KHDRBS1: variants seen among roughly 807,000 people sequenced by gnomAD.
KHDRBS1 encodes KH RNA binding domain containing, signal transduction associated 1, also known as KH domain-containing, RNA-binding, signal transduction-associated protein 1.
Under a neutral mutation model 48.4 loss-of-function variants are expected in KHDRBS1, and 7 were observed. That is an observed-to-expected ratio of 0.14 (90% CI 0.08 to 0.27). The LOEUF is 0.27. Ranked by LOEUF, KHDRBS1 falls within the 10% of genes least tolerant of loss-of-function variation. The probability of loss-of-function intolerance (pLI) is 1.00; values close to 1 mark genes in which losing one functional copy is unlikely to be tolerated. For synonymous variants in KHDRBS1, 241 were observed against 235.8 expected, an observed-to-expected ratio of 1.02 and a Z score of -0.20; for missense variants, 458 against 601.2, an observed-to-expected ratio of 0.76 and a Z score of 2.49.
At chr1:32,023,045 T>C (rs1638893198) in intron 1 of KHDRBS1, among the ~76,000 whole-genome samples, 1 of 152,194 alleles carries the variant, frequency 6.6e-6, no homozygotes. Flanking sequence ...TCTTTTTTTC[T>C]TACTATTTTT....
At chr1:32,030,003 T>TCC (rs1275418167) in intron 1 of KHDRBS1, among the ~76,000 whole-genome samples, 1 of 152,206 alleles carries the variant, frequency 6.6e-6, no homozygotes. Context: ...TATTCTCCTT[T>TCC]CCCCCATCTC....
intron 10 of KHDRBS1, among the ~76,000 whole-genome samples, chr1:32,059,691 T>C (rs1170327484): frequency 6.6e-6 from 1 of 152,150 alleles, no homozygotes; most frequent in East Asian, 1.9e-4. Context: ...ATAACATCCA[T>C]CGCCCCTTGA....
chr1:32,035,265 G>A (rs1181919174), intron 4 of KHDRBS1, among the ~76,000 whole-genome samples: 1 of 152,094 alleles, frequency 6.6e-6, no homozygotes, highest in Non-Finnish European at 1.5e-5. Context: ...GGTTTCCTCA[G>A]TGTTGATGTG....
At chr1:32,046,317 A>G (rs565383709), downstream of KHDRBS1, among the ~76,000 whole-genome samples, 22 of 151,916 alleles carry the variant, frequency 1.4e-4, no homozygotes, top group African/African-American at 5.1e-4. Flanking sequence ...GGGTTCAAGC[A>G]ATTCTCCTGT....
At chr1:32,051,070 G>A (rs889404584) in intron 10 of KHDRBS1, among the ~76,000 whole-genome samples, 4 of 151,662 alleles carry the variant, frequency 2.6e-5, no homozygotes, top group Non-Finnish European at 5.9e-5. Context: ...GCTAATTTTT[G>A]TATTTTTAGT....
intron 1 of KHDRBS1, among the ~76,000 whole-genome samples, chr1:32,025,592 C>T (rs1448910995): frequency 6.7e-6 from 1 of 150,262 alleles, no homozygotes; most frequent in African/African-American, 2.4e-5. Flanking sequence ...TGAGCCACAG[C>T]GCCTGGCCCC....
rs1263567614 is a variant in KHDRBS1, at chr1:32,043,554, A to T, written c.*930A>T. On this transcript the variant is annotated 3_prime_UTR_variant, in exon 9 of 9. Coordinates refer to ENST00000327300, the MANE Select transcript of KHDRBS1 (RefSeq NM_006559.3). ...TTGTCCATTTGAGATTCTGCACTCC[A>T]TGAAAAGTTCACTTGGACGCTGGGG... 1 of 152,644 alleles carries T rather than the reference A, an allele frequency of 6.6e-6. No individual in the cohort carries two copies. Among genetic ancestry groups the T allele is most frequent in the Non-Finnish European group, 1.5e-5 (1 of 68,036 alleles). The allele number at this position is 152,644 out of a possible 1,614,324, so 9.5% of individuals were successfully genotyped here.
At chr1:32,031,773 A>G in intron 3 of KHDRBS1, 133 bp downstream of exon 3, 1 of 528,274 alleles carries the variant, frequency 1.9e-6, no homozygotes, top group Non-Finnish European at 3.4e-6. Flanking sequence ...TTTGCACTGG[A>G]TGCAAGAGAT....
intron 1 of KHDRBS1, among the ~76,000 whole-genome samples, chr1:32,024,706 T>C (rs1638929076): frequency 6.6e-6 from 1 of 152,148 alleles, no homozygotes; most frequent in Non-Finnish European, 1.5e-5. Context: ...CTTTGAGTTT[T>C]TGTTGCCTCA....
downstream of KHDRBS1, among the ~76,000 whole-genome samples, chr1:32,046,810 C>T (rs1639363771): frequency 6.6e-6 from 1 of 152,194 alleles, no homozygotes; most frequent in Non-Finnish European, 1.5e-5. Flanking sequence ...GCCTGCCTCT[C>T]AGCCTGTGAG....
chr1:32,022,438 T>G (rs1638878134), intron 1 of KHDRBS1, among the ~76,000 whole-genome samples: 1 of 152,064 alleles, frequency 6.6e-6, no homozygotes, highest in South Asian at 2.1e-4. Flanking sequence ...AGTGCTGTGT[T>G]TAGAAGTGTA....
intron 10 of KHDRBS1, among the ~76,000 whole-genome samples, chr1:32,050,955 A>G (rs1159803932): frequency 1.3e-5 from 2 of 152,080 alleles, no homozygotes; most frequent in African/African-American, 2.4e-5. Flanking sequence ...CAGTGGCTCA[A>G]TCTCGGCTCA....
At chr1:32,052,372 A>G (rs549522969) in intron 10 of KHDRBS1, 1 of 152,190 alleles carries the variant, frequency 6.6e-6, no homozygotes, top group Non-Finnish European at 1.5e-5. Flanking sequence ...GAAAGAAAAA[A>G]AGCTGCCAAT....
chr1:32,022,125 G>C (rs995812758), intron 1 of KHDRBS1, among the ~76,000 whole-genome samples: 1 of 151,772 alleles, frequency 6.6e-6, no homozygotes, highest in Non-Finnish European at 1.5e-5. Context: ...GCGCCACCAC[G>C]CCCAACCAGT....
intron 8 of KHDRBS1, among the ~76,000 whole-genome samples, chr1:32,041,480 C>T (rs920234243): frequency 9.9e-5 from 15 of 151,710 alleles, no homozygotes; most frequent in African/African-American, 3.4e-4. Context: ...ATTCCTCAGG[C>T]TTTTCCCTGT....
downstream of KHDRBS1, among the ~76,000 whole-genome samples, chr1:32,044,620 AAC>A (rs1639337356): frequency 6.6e-6 from 1 of 152,182 alleles, no homozygotes; most frequent in African/African-American, 2.4e-5. Context: ...TTCTTTTTAA[AAC>A]ACACCAACAA....
Position 32,036,999 on chromosome 1 carries a change from A to G in KHDRBS1, c.861A>G (p.Pro287=). ...VPEPSRGRGV[P]VRGRGAAPPP... is the part of the protein sequence containing the mutation. ...AACCCTCTCGTGGACGTGGGGTGCC[A>G]GTGAGAGGCCGGGGAGCTGCACCTC... Residue 287 remains proline, a synonymous_variant, in exon 5 of 9, where the codon CCA becomes CCG. Coordinates refer to ENST00000327300, the MANE Select transcript of KHDRBS1 (RefSeq NM_006559.3). 3.7e-6 allele frequency: 6 copies of G among 1,614,144 alleles called. No individual in the cohort carries two copies. Among genetic ancestry groups the G allele is most frequent in the Non-Finnish European group, 5.1e-6 (6 of 1,180,014 alleles).
intron 1 of KHDRBS1, among the ~76,000 whole-genome samples, chr1:32,016,326 A>G (rs1638740293): frequency 6.6e-6 from 1 of 152,182 alleles, no homozygotes; most frequent in Non-Finnish European, 1.5e-5. Flanking sequence ...ACTTATACAG[A>G]TGAGGAAACC....
Position 32,042,518 on chromosome 1 carries a change from T to C in KHDRBS1, c.1235-9T>C, listed in dbSNP as rs989012642. The stretch of plus-strand genomic sequence containing the variant: ...CATGGTTTATAAACTGTCTTTGTTT[T>C]CCCCACAGGCCAGGACGACTGGAAT... On this transcript the variant is annotated splice_polypyrimidine_tract_variant and intron_variant, in intron 8 of 8. Transcript: ENST00000327300. 6.2e-7 allele frequency: 1 copy of C among 1,605,090 alleles called. No individual in the cohort carries two copies. The highest frequency in any genetic ancestry group is 1.7e-5 in the Admixed American group (1 of 59,928).
Sources: gnomAD v4.1 joint callset for allele counts (sites outside exome capture counted in the v4.1 genomes callset) on GRCh38, gnomAD v4.1.1 for gene constraint, MANE v1.5 for transcripts, NCBI Gene and HGNC (gene_info 2026-07-23, HGNC 2026-07-21) for gene names.